The following CUL3 variants were observed in gnomAD, a reference collection of about 807,000 sequenced individuals.
CUL3 encodes the protein cullin 3.
Under a neutral mutation model 89.1 loss-of-function variants are expected in CUL3, and 19 were observed. That is an observed-to-expected ratio of 0.21 (90% CI 0.15 to 0.31). The LOEUF is 0.31. Among genes scored for constraint, CUL3 ranks in the 10% least tolerant of loss-of-function variants. The probability of loss-of-function intolerance (pLI) is 1.00; values close to 1 mark genes in which losing one functional copy is unlikely to be tolerated. For synonymous variants in CUL3, 351 were observed against 308.4 expected (o/e 1.14, Z -1.45); for missense variants, 469 against 942.3 (o/e 0.50, Z 6.58).
At chr2:224,513,728 C>G in intron 4 of CUL3, 90 bp from the exon 5 acceptor site, 1 of 880,438 alleles carries the variant, frequency 1.1e-6, no homozygotes, top group Non-Finnish European at 1.7e-6. Flanking sequence ...AAAATATCTT[C>G]AGGACATTTA....
intron 1 of CUL3, among the ~76,000 whole-genome samples, chr2:224,572,625 T>G (rs1449358171): frequency 5.8e-4 from 50 of 85,882 alleles, no homozygotes; most frequent in African/African-American, 9.6e-4. Context: ...TGGGTGAGAG[T>G]GAGAGAAAAA....
At chr2:224,476,201 A>C (rs962593152) in intron 15 of CUL3, among the ~76,000 whole-genome samples, 1 of 151,978 alleles carries the variant, frequency 6.6e-6, no homozygotes, top group African/African-American at 2.4e-5. Context: ...TATTTTCAGT[A>C]GGACGGGGTT....
At chr2:224,510,340 G>T (rs556806368) in intron 6 of CUL3, among the ~76,000 whole-genome samples, 4 of 150,580 alleles carry the variant, frequency 2.7e-5, no homozygotes, top group African/African-American at 7.3e-5. Flanking sequence ...ACTTTTCAGG[G>T]ATTTCTCATA....
intron 13 of CUL3, among the ~76,000 whole-genome samples, chr2:224,488,452 G>A (rs1364048584): frequency 6.6e-6 from 1 of 152,162 alleles, no homozygotes; most frequent in Non-Finnish European, 1.5e-5. Context: ...CGATCCCACA[G>A]AAATACAAAC....
intron 2 of CUL3, among the ~76,000 whole-genome samples, chr2:224,544,254 T>C (rs1361450879): frequency 6.6e-6 from 1 of 152,228 alleles, no homozygotes; most frequent in Non-Finnish European, 1.5e-5. Context: ...TAGTTTTGTA[T>C]GATTTTTTAA....
At chr2:224,572,630 GAAAAAAAAAA>G (rs67105454) in intron 1 of CUL3, among the ~76,000 whole-genome samples, 2 of 86,298 alleles carry the variant, frequency 2.3e-5, no homozygotes, top group African/African-American at 8.8e-5. Flanking sequence ...GAGAGTGAGA[GAAAAAAAAAA>G]AAAAAAAAAA....
chr2:224,485,744 A>T lies in CUL3; in HGVS notation c.1843-3666T>A, dbSNP rs377586202. On this transcript the variant is annotated intron_variant, in intron 13 of 15. Coordinates refer to ENST00000264414, the MANE Select transcript of CUL3 (RefSeq NM_003590.5). This position sits in a 1 kb window ranked among gnomAD's most constrained non-coding sequence, Gnocchi z 4.1. ...AAGAGAGCAGTGGATCCCACAGCGC[A>T]GCACTCCAGCTCTGCGAAGGGACAG... is the stretch of plus-strand genomic sequence containing the variant. Among the ~76,000 whole-genome samples, 132 of 152,344 alleles carry T rather than the reference A, an allele frequency of 8.7e-4. No individual in the cohort carries two copies. The highest frequency in any genetic ancestry group is 3.1e-3 in the African/African-American group (127 of 41,592).
At position 224,482,172 on chromosome 2, in the gene CUL3, G is replaced by GT. The variant is rs370248270; in HGVS notation, c.1843-95dup. ...CTGACCAAGCAGTAGTTAAAAAGAG[G>GT]TAATTCCATTAAATAAATAATGCAC... On this transcript the variant is annotated intron_variant, in intron 13 of 15. Coordinates refer to ENST00000264414, the MANE Select transcript of CUL3 (RefSeq NM_003590.5). 9.0e-4 allele frequency: 775 copies of GT among 862,106 alleles called. 3 individuals carry two copies. In the African/African-American group the frequency reaches 0.012, roughly 13 times the overall value. 53.4% of individuals were successfully genotyped at this position (862,106 alleles called of 1,614,324 possible).
chr2:224,476,030 G>A (rs1559334109), intron 15 of CUL3, among the ~76,000 whole-genome samples: 3 of 147,638 alleles, frequency 2.0e-5, no homozygotes, highest in African/African-American at 7.5e-5. Flanking sequence ...TTTTTTATTA[G>A]TTTTTTTTTT....
intron 2 of CUL3, among the ~76,000 whole-genome samples, chr2:224,541,213 A>G (rs1007621320): frequency 6.7e-6 from 1 of 148,150 alleles, no homozygotes; most frequent in Admixed American, 6.6e-5. Context: ...TGTATCCAGA[A>G]CATATTAAAA....
At chr2:224,529,409 A>C (rs1188452850) in intron 3 of CUL3, among the ~76,000 whole-genome samples, 2 of 150,876 alleles carry the variant, frequency 1.3e-5, no homozygotes, top group African/African-American at 4.9e-5. Flanking sequence ...CGAGGTCAGG[A>C]GATTGAGACC....
rs1021188301 is a variant in CUL3, at chr2:224,503,003, T to C, written c.1447A>G (p.Thr483Ala). 4 of 1,613,898 alleles carry C rather than the reference T, an allele frequency of 2.5e-6. No homozygotes were observed. The highest frequency in any genetic ancestry group is 3.4e-6 in the Non-Finnish European group (4 of 1,179,882). Residue 483 changes from threonine to alanine, a missense_variant, in exon 10 of 16, where the codon ACG (threonine) becomes GCG (alanine). Physicochemically the swap from Thr to Ala is moderately conservative, Grantham distance 58 (BLOSUM62 0). Transcript: ENST00000264414. ...AGATGTTGCCTGAATTCATCCATCG[T>C]TGTGTTTGAGATGCTCATATCCCTA... is the stretch of plus-strand genomic sequence containing the variant. ...MFRDMSISNT[T>A]MDEFRQHLQA... is the part of the protein sequence containing the mutation.
chr2:224,558,342 A>G (rs967050847), intron 1 of CUL3, among the ~76,000 whole-genome samples: 1 of 152,118 alleles, frequency 6.6e-6, no homozygotes, highest in Non-Finnish European at 1.5e-5. Flanking sequence ...CAACCCCACA[A>G]TTCCACTAGT....
chr2:224,491,459 T>G (rs1691973206), intron 13 of CUL3, among the ~76,000 whole-genome samples: 1 of 152,232 alleles, frequency 6.6e-6, no homozygotes, highest in Non-Finnish European at 1.5e-5. Flanking sequence ...TAAAGAAATG[T>G]TTTCTCACTG....
intron 1 of CUL3, among the ~76,000 whole-genome samples, chr2:224,580,077 C>T (rs975395158): frequency 2.0e-5 from 3 of 152,192 alleles, no homozygotes; most frequent in Non-Finnish European, 2.9e-5. Context: ...GATCCAGACC[C>T]ACATTATTTC....
At chr2:224,489,809 ACTAAAACAC>A (rs1416846803) in intron 13 of CUL3, among the ~76,000 whole-genome samples, 4 of 152,212 alleles carry the variant, frequency 2.6e-5, no homozygotes, top group Non-Finnish European at 4.4e-5. Flanking sequence ...AGACTTCATG[ACTAAAACAC>A]CAAAAGCAAC....
intron 3 of CUL3, among the ~76,000 whole-genome samples, chr2:224,525,717 T>C (rs1423991998): frequency 6.6e-6 from 1 of 152,166 alleles, no homozygotes. Context: ...TGAGTAGCAG[T>C]GTTGGGGAGA....
chr2:224,498,883 T>C (rs1692270149), intron 11 of CUL3, among the ~76,000 whole-genome samples: 1 of 152,220 alleles, frequency 6.6e-6, no homozygotes, highest in Admixed American at 6.5e-5. Context: ...AATAATATGC[T>C]AGTGCTTCTG....
At chr2:224,559,225 G>A (rs1298188918) in intron 1 of CUL3, among the ~76,000 whole-genome samples, 1 of 151,966 alleles carries the variant, frequency 6.6e-6, no homozygotes, top group Non-Finnish European at 1.5e-5. Context: ...TGAGGCAGAA[G>A]GATCACTGGA....
Sources: allele counts gnomAD v4.1 joint callset (sites outside exome capture counted in the v4.1 genomes callset), GRCh38; gene constraint gnomAD v4.1.1; non-coding constraint Gnocchi (gnomAD v3.1); transcripts MANE v1.5; gene names NCBI Gene and HGNC (gene_info 2026-07-23, HGNC 2026-07-21).